FRAS1: variants seen among roughly 807,000 people sequenced by gnomAD.
FRAS1 encodes Fraser extracellular matrix complex subunit 1.
In FRAS1, 290 loss-of-function variants were observed where a neutral mutation model predicts 435.2. The observed-to-expected ratio is 0.67, with a 90% confidence interval of 0.61 to 0.73. FRAS1 has a LOEUF of 0.73. Among genes scored for constraint, FRAS1 ranks in the 30% least tolerant of loss-of-function variants. The pLI is 0.00. For synonymous variants in FRAS1, 1,800 were observed against 1,851.0 expected (o/e 0.97, Z 0.71); for missense variants, 4,860 against 5,001.5 (o/e 0.97, Z 0.85).
At chr4:78,213,487 C>T (rs1460502253) in intron 2 of FRAS1, among the ~76,000 whole-genome samples, 1 of 152,232 alleles carries the variant, frequency 6.6e-6, no homozygotes, top group African/African-American at 2.4e-5. Context: ...CTATAAAACA[C>T]AAGTGGAGGA....
chr4:78,387,662 C>A lies in FRAS1; in HGVS notation c.3936C>A (p.Ser1312=). The change falls in exon 29 of 74, where the codon TCC becomes TCA. Residue 1312 remains serine, a synonymous_variant. Coordinates refer to ENST00000512123, the MANE Select transcript of FRAS1 (RefSeq NM_025074.7). ...VAVLQANDGH[S]FHNILFQVKT... ...TCTTGCAGGCCAATGATGGACACTC[C>A]TTCCATAATATACTGTTCCAAGTGA... The A allele has an allele frequency of 1.9e-6, 3 of 1,592,702 alleles. No homozygotes were observed. The highest frequency in any genetic ancestry group is 1.2e-5 in the South Asian group (1 of 86,736).
At chr4:78,320,023 C>T (rs769897669) in intron 18 of FRAS1, among the ~76,000 whole-genome samples, 9 of 152,212 alleles carry the variant, frequency 5.9e-5, no homozygotes, top group Non-Finnish European at 1.2e-4. Context: ...GTCAAAGTGG[C>T]CGGTAAATTA....
At position 78,499,772 on chromosome 4, in the gene FRAS1, GC is replaced by G; in HGVS notation, c.9170del (p.Pro3057GlnfsTer7). The G allele has an allele frequency of 6.2e-7, 1 of 1,613,924 alleles. No individual in the cohort carries two copies. Among genetic ancestry groups the G allele is most frequent in the Non-Finnish European group, 8.5e-7 (1 of 1,179,830 alleles). ...GCATACCAAGTCCGGGAACCCGCAG[GC>G]CCAGATGCCATTGCGATTCTGAACA... ...EAAYQVREPA[G>X]PDAIAILNIK... On this transcript the variant is annotated frameshift_variant, in exon 61 of 74. Coordinates refer to ENST00000512123, the MANE Select transcript of FRAS1 (RefSeq NM_025074.7). LOFTEE classifies it high-confidence loss of function.
intron 2 of FRAS1, among the ~76,000 whole-genome samples, chr4:78,160,201 A>G (rs1262005570): frequency 6.6e-6 from 1 of 152,250 alleles, no homozygotes; most frequent in Non-Finnish European, 1.5e-5. Context: ...TAATGTGTTT[A>G]TATATCCATG....
At position 78,472,988 on chromosome 4, in the gene FRAS1, A is replaced by G. The variant is rs528670429; in HGVS notation, c.7523-450A>G. On this transcript the variant is annotated intron_variant, in intron 52 of 73. Coordinates refer to ENST00000512123, the MANE Select transcript of FRAS1 (RefSeq NM_025074.7). ...TTTTAGCTGTGCTTTGTGTATGGGAAGTTTTAACCCAACCCCAGCTATTCT... is the reference window on the plus strand; with the variant it reads ...TTTTAGCTGTGCTTTGTGTATGGGAGGTTTTAACCCAACCCCAGCTATTCT... Among the ~76,000 whole-genome samples the G allele has an allele frequency of 7.2e-5, 11 of 152,236 alleles. No individual in the cohort carries two copies. The South Asian group carries it at 2.3e-3, about 32-fold the overall frequency.
chr4:78,330,353 G>A (rs1729895456), intron 18 of FRAS1, among the ~76,000 whole-genome samples: 1 of 152,108 alleles, frequency 6.6e-6, no homozygotes, highest in East Asian at 1.9e-4. Flanking sequence ...TGCATTAACT[G>A]CACAAATTAT....
At chr4:78,423,664 C>T (rs919187908) in intron 34 of FRAS1, among the ~76,000 whole-genome samples, 7 of 152,080 alleles carry the variant, frequency 4.6e-5, no homozygotes, top group African/African-American at 1.4e-4. Flanking sequence ...TTTAATCGCC[C>T]AGAAAACAGT....
intron 2 of FRAS1, among the ~76,000 whole-genome samples, chr4:78,163,968 C>T (rs1276141287): frequency 2.0e-5 from 3 of 152,140 alleles, no homozygotes; most frequent in South Asian, 2.1e-4. Flanking sequence ...ACCTCCCATG[C>T]CCACTGCCCC....
intron 42 of FRAS1, chr4:78,446,078 T>C: frequency 9.0e-7 from 1 of 1,108,508 alleles, no homozygotes; most frequent in Admixed American, 4.8e-5. Flanking sequence ...TTTTACTGCA[T>C]TTATTTATTT....
At chr4:78,493,086 A>G (rs1720412400) in intron 59 of FRAS1, among the ~76,000 whole-genome samples, 2 of 152,248 alleles carry the variant, frequency 1.3e-5, no homozygotes, top group Admixed American at 1.3e-4. Context: ...GAGAAATGCA[A>G]ATCAAAACCA....
intron 26 of FRAS1, among the ~76,000 whole-genome samples, chr4:78,376,224 C>G (rs1422923944): frequency 6.6e-6 from 1 of 152,148 alleles, no homozygotes; most frequent in Non-Finnish European, 1.5e-5. Context: ...GGGATACATT[C>G]TGAGAAATGC....
intron 2 of FRAS1, among the ~76,000 whole-genome samples, chr4:78,089,271 G>A (rs558276625): frequency 7.2e-6 from 1 of 138,548 alleles, no homozygotes; most frequent in Non-Finnish European, 1.5e-5. Context: ...ACACACTGGG[G>A]CCTGTTGTGT....
Position 78,477,886 on chromosome 4 carries a change from T to C in FRAS1, c.7923T>C (p.Asn2641=), listed in dbSNP as rs765455808. The change falls in exon 55 of 74, where the codon AAT becomes AAC. Residue 2641 remains asparagine, a synonymous_variant. Coordinates refer to ENST00000512123, the MANE Select transcript of FRAS1 (RefSeq NM_025074.7). The part of the protein sequence containing the change: ...IVINDDDVFE[N]VESFTVELSM... ...TCAACGATGATGACGTGTTTGAAAATGTTGAGAGTTTCACTGTGGAGCTCA... is the reference window on the plus strand; with the variant it reads ...TCAACGATGATGACGTGTTTGAAAACGTTGAGAGTTTCACTGTGGAGCTCA... 5.2e-5 allele frequency: 84 copies of C among 1,613,406 alleles called. No homozygotes were observed. The highest frequency in any genetic ancestry group is 7.0e-5 in the Non-Finnish European group (82 of 1,179,772).
At position 78,446,857 on chromosome 4, in the gene FRAS1, T is replaced by C. The variant is rs1162997922; in HGVS notation, c.5987T>C (p.Val1996Ala). 1.2e-6 allele frequency: 2 copies of C among 1,610,546 alleles called. No individual in the cohort carries two copies. Among genetic ancestry groups the C allele is most frequent in the Non-Finnish European group, 8.5e-7 (1 of 1,178,428 alleles). The stretch of plus-strand genomic sequence containing the variant: ...ACCCCAGATAATGAGCTCATTTTTG[T>C]ATTGACAAAAAAGCCTGACCACGGT... The part of the protein sequence containing the change: ...LDTPDNELIF[V>A]LTKKPDHGHV... The change falls in exon 43 of 74, where the codon GTA (valine) becomes GCA (alanine). Residue 1996 changes from valine to alanine, a missense_variant. Physicochemically the swap from Val to Ala is moderately conservative, Grantham distance 64. Transcript: ENST00000512123.
chr4:78,403,550 C>A (rs748027080), intron 30 of FRAS1, among the ~76,000 whole-genome samples: 32 of 152,136 alleles, frequency 2.1e-4, no homozygotes, highest in Non-Finnish European at 4.3e-4. Flanking sequence ...TTACCTTGTA[C>A]TCCCTCATCA....
At position 78,479,721 on chromosome 4, in the gene FRAS1, A is replaced by G. The variant is rs779185346; in HGVS notation, c.8443+3A>G. The G allele has an allele frequency of 5.8e-6, 9 of 1,560,948 alleles. No individual in the cohort carries two copies. In the South Asian group the frequency reaches 9.7e-5, roughly 17 times the overall value. On this transcript the variant is annotated splice_donor_region_variant and intron_variant, in intron 56 of 73. Coordinates refer to ENST00000512123, the MANE Select transcript of FRAS1 (RefSeq NM_025074.7). ...TTTCACTGTCAGTGAGGACGCAGGTAATGGAGAGTGTCTCTGAGTTTCCTT... is the reference window on the plus strand; with the variant it reads ...TTTCACTGTCAGTGAGGACGCAGGTGATGGAGAGTGTCTCTGAGTTTCCTT...
chr4:78,108,472 A>C (rs1742508504), intron 2 of FRAS1, among the ~76,000 whole-genome samples: 1 of 89,358 alleles, frequency 1.1e-5, no homozygotes. Context: ...ACTACATGGA[A>C]ACTGAACAAC....
chr4:78,412,956 A>T lies in FRAS1; in HGVS notation c.4309-13A>T. 4 of 1,554,420 alleles carry T rather than the reference A, an allele frequency of 2.6e-6. No individual in the cohort carries two copies. Among genetic ancestry groups the T allele is most frequent in the Non-Finnish European group, 2.6e-6 (3 of 1,138,370 alleles). On this transcript the variant is annotated splice_polypyrimidine_tract_variant and intron_variant, in intron 31 of 73. Transcript: ENST00000512123. ...AGAAGATGAGAGGCTCACCAGGATG[A>T]CTTTCTTTTCAGGTGTCCAGTGCCT...
At position 78,384,091 on chromosome 4, in the gene FRAS1, A is replaced by AGC; in HGVS notation, c.3597_3598dup (p.Gln1200ArgfsTer9). The AGC allele has an allele frequency of 6.2e-7, 1 of 1,607,478 alleles. No individual in the cohort carries two copies. Among genetic ancestry groups the AGC allele is most frequent in the Non-Finnish European group, 8.5e-7 (1 of 1,178,112 alleles). ...TACCTTTTCCTGAAAATTAGTGACCAGCAGTTCTTCTCTGAGCCACAGCTG... is the reference window on the plus strand; with the variant it reads ...TACCTTTTCCTGAAAATTAGTGACCAGCGCAGTTCTTCTCTGAGCCACAGCTG... On this transcript the variant is annotated frameshift_variant, in exon 28 of 74. Coordinates refer to ENST00000512123, the MANE Select transcript of FRAS1 (RefSeq NM_025074.7). LOFTEE classifies it high-confidence loss of function.
Sources: allele counts gnomAD v4.1 joint callset (sites outside exome capture counted in the v4.1 genomes callset), GRCh38; gene constraint gnomAD v4.1.1; transcripts MANE v1.5; gene names NCBI Gene and HGNC (gene_info 2026-07-23, HGNC 2026-07-21).